The following SMIM10L3 variants were observed in gnomAD, a reference collection of about 807,000 sequenced individuals.
The protein encoded by SMIM10L3 is salivary gland specific protein SAGSIN1.
the SMIM10L3 span, among the ~76,000 whole-genome samples, chr7:6,335,955 T>G: frequency 6.6e-6 from 1 of 152,016 alleles, no homozygotes; most frequent in African/African-American, 2.4e-5. Context: ...GATGGATCAC[T>G]TGAGGACAGG....
the SMIM10L3 span, among the ~76,000 whole-genome samples, chr7:6,340,474 G>A: frequency 2.0e-5 from 3 of 152,076 alleles, no homozygotes; most frequent in South Asian, 2.1e-4. Context: ...ACCTGGAGTC[G>A]GCTGAAGCAC....
chr7:6,347,117 A>C, the SMIM10L3 span, among the ~76,000 whole-genome samples: 2 of 152,208 alleles, frequency 1.3e-5, no homozygotes, highest in African/African-American at 4.8e-5. Flanking sequence ...ACTTGAGGCC[A>C]GAAGTTCAAG....
chr7:6,341,538 A>T, the SMIM10L3 span, among the ~76,000 whole-genome samples: 7 of 150,744 alleles, frequency 4.6e-5, no homozygotes, highest in East Asian at 3.9e-4. Flanking sequence ...AATTTTTTTT[A>T]AATTAGCCAG....
chr7:6,340,375 A>T, the SMIM10L3 span, among the ~76,000 whole-genome samples: 5 of 152,124 alleles, frequency 3.3e-5, no homozygotes, highest in African/African-American at 4.8e-5. Context: ...GGTGCGGTGG[A>T]GGACGGAGAA....
At chr7:6,342,222 CTT>C in the SMIM10L3 span, among the ~76,000 whole-genome samples, 2 of 151,844 alleles carry the variant, frequency 1.3e-5, no homozygotes, top group African/African-American at 2.4e-5. Context: ...CTTACTTTCT[CTT>C]TCTCTCTCTC....
chr7:6,340,249 C>A, the SMIM10L3 span, among the ~76,000 whole-genome samples: 1 of 152,158 alleles, frequency 6.6e-6, no homozygotes, highest in South Asian at 2.1e-4. Flanking sequence ...GACTACTCTT[C>A]TCTGACTAGC....
chr7:6,340,032 G>A, the SMIM10L3 span, among the ~76,000 whole-genome samples: 3 of 152,066 alleles, frequency 2.0e-5, no homozygotes, highest in South Asian at 2.1e-4. Flanking sequence ...TTACAGGCAT[G>A]CACCACCACA....
chr7:6,339,426 G>T, the SMIM10L3 span, among the ~76,000 whole-genome samples: 2 of 152,050 alleles, frequency 1.3e-5, no homozygotes, highest in Non-Finnish European at 2.9e-5. Flanking sequence ...AACATAGCAA[G>T]ACCCCATCTC....
chr7:6,339,858 G>C, the SMIM10L3 span, among the ~76,000 whole-genome samples: 2 of 151,700 alleles, frequency 1.3e-5, no homozygotes, highest in African/African-American at 4.8e-5. Flanking sequence ...AGAGTGTGCA[G>C]AGGCCGGGTG....
At chr7:6,344,997 T>C in the SMIM10L3 span, among the ~76,000 whole-genome samples, 1 of 152,112 alleles carries the variant, frequency 6.6e-6, no homozygotes, top group Non-Finnish European at 1.5e-5. Context: ...TGCCTCAGCC[T>C]CTCAAAGTGC....
chr7:6,341,504 G>A, the SMIM10L3 span, among the ~76,000 whole-genome samples: 1 of 149,180 alleles, frequency 6.7e-6, no homozygotes, highest in Non-Finnish European at 1.5e-5. Flanking sequence ...CTAACGTGGT[G>A]AAACCCTGCC....
chr7:6,344,197 T>C, the SMIM10L3 span, among the ~76,000 whole-genome samples: 2 of 151,604 alleles, frequency 1.3e-5, no homozygotes, highest in African/African-American at 4.8e-5. Context: ...CTTCAGATTC[T>C]ATTTCCTGTT....
chr7:6,329,982 G>C, the SMIM10L3 span: 1 of 214,070 alleles, frequency 4.7e-6, no homozygotes, highest in East Asian at 1.5e-4. Context: ...CAGTGGTGTA[G>C]ACTTTACAAG....
At chr7:6,340,709 C>G in the SMIM10L3 span, among the ~76,000 whole-genome samples, 7 of 151,904 alleles carry the variant, frequency 4.6e-5, no homozygotes, top group East Asian at 1.2e-3. Context: ...ACCATCCTGG[C>G]TAACACGGTA....
the SMIM10L3 span, among the ~76,000 whole-genome samples, chr7:6,343,087 A>C: frequency 3.3e-5 from 5 of 151,174 alleles, no homozygotes; most frequent in Non-Finnish European, 7.4e-5. Flanking sequence ...AAAAGAAAAG[A>C]AAAAATTGGC....
At chr7:6,333,070 T>C in the SMIM10L3 span, among the ~76,000 whole-genome samples, 2,474 of 151,316 alleles carry the variant, frequency 0.016, 27 homozygotes, top group Non-Finnish European at 0.026. Context: ...AGCGAGAGAA[T>C]TGCGTGAACC....
At chr7:6,340,861 T>C in the SMIM10L3 span, among the ~76,000 whole-genome samples, 2 of 126,152 alleles carry the variant, frequency 1.6e-5, no homozygotes, top group African/African-American at 6.3e-5. Flanking sequence ...ATGGCGCCAC[T>C]GCACTCCAGC....
At chr7:6,347,851 C>T in the SMIM10L3 span, among the ~76,000 whole-genome samples, 6 of 149,356 alleles carry the variant, frequency 4.0e-5, no homozygotes, top group Non-Finnish European at 7.4e-5. Context: ...GCCAGGAGTT[C>T]GAGACCAGCC....
chr7:6,332,935 C>G, the SMIM10L3 span, among the ~76,000 whole-genome samples: 1 of 151,994 alleles, frequency 6.6e-6, no homozygotes, highest in Non-Finnish European at 1.5e-5. Context: ...CCAAGGCGGA[C>G]AAATCATGAG....
Sources: allele counts gnomAD v4.1 joint callset (sites outside exome capture counted in the v4.1 genomes callset), GRCh38; gene constraint gnomAD v4.1.1; transcripts MANE v1.5; gene names NCBI Gene and HGNC (gene_info 2026-07-23, HGNC 2026-07-21).